Variants in RBM20 observed in about 807,000 individuals in gnomAD.
The protein encoded by RBM20 is RNA binding motif protein 20.
A neutral mutation model predicts 110.1 loss-of-function variants in RBM20; 51 were observed. The ratio of observed to expected loss-of-function variants is 0.46; its 90% CI spans 0.37 to 0.59. RBM20 has a LOEUF of 0.59. Ranked by LOEUF, RBM20 falls within the 20% of genes least tolerant of loss-of-function variation. The pLI is 0.00. For synonymous variants in RBM20, 589 were observed against 618.2 expected, an observed-to-expected ratio of 0.95 and a Z score of 0.70; for missense variants, 1,512 against 1,574.9, an observed-to-expected ratio of 0.96 and a Z score of 0.68.
rs904657575 is a variant in RBM20, at chr10:110,667,917, G to T, written c.191+23272G>T. On this transcript the variant is annotated intron_variant, in intron 1 of 13. Transcript: ENST00000369519. ...GGGTGTGAGTGAGTGGTGCAGGGAA[G>T]CTAAGCCAGAGGGAGCCCTGATTTA... 9.2e-5 allele frequency among the ~76,000 whole-genome samples: 14 copies of T among 152,168 alleles called. 1 individual carries two copies. Among genetic ancestry groups the T allele is most frequent in the Admixed American group, 8.5e-4 (13 of 15,274 alleles).
intron 1 of RBM20, among the ~76,000 whole-genome samples, chr10:110,661,541 G>C (rs951077555): frequency 6.6e-6 from 1 of 152,140 alleles, no homozygotes; most frequent in Non-Finnish European, 1.5e-5. Context: ...AATACTATTC[G>C]GACCATCTCT....
intron 9 of RBM20, among the ~76,000 whole-genome samples, chr10:110,818,399 G>T (rs1222328606): frequency 2.0e-5 from 3 of 152,184 alleles, no homozygotes; most frequent in Non-Finnish European, 4.4e-5. Flanking sequence ...TTGGGGGAAG[G>T]TACAGAGCAG....
At chr10:110,824,746 G>A (rs1177931362) in intron 12 of RBM20, among the ~76,000 whole-genome samples, 9 of 152,182 alleles carry the variant, frequency 5.9e-5, no homozygotes, top group Non-Finnish European at 1.5e-5. Context: ...CATCATCTTT[G>A]AGTCCCCTCG....
chr10:110,686,201 A>G lies in RBM20; in HGVS notation c.191+41556A>G, dbSNP rs192884491. 2.0e-4 allele frequency among the ~76,000 whole-genome samples: 30 copies of G among 152,282 alleles called. No individual in the cohort carries two copies. The East Asian group carries it at 5.4e-3, about 27-fold the overall frequency. On this transcript the variant is annotated intron_variant, in intron 1 of 13. Coordinates refer to ENST00000369519, the MANE Select transcript of RBM20 (RefSeq NM_001134363.3). The stretch of plus-strand genomic sequence containing the variant: ...GTCGTCATGACTCTTTAAATATCCT[A>G]TGAAACCTGTGATAGAAACTTGGGC...
rs1175016371 is a variant in RBM20, at chr10:110,673,753, C to G, written c.191+29108C>G. On this transcript the variant is annotated intron_variant, in intron 1 of 13. Transcript: ENST00000369519. ...CTCCCCACATTCTGAGGACAGTGGC[C>G]TATATTGAAACTGGAGGAATGAGGT... 4.6e-5 allele frequency among the ~76,000 whole-genome samples: 7 copies of G among 152,192 alleles called. No individual in the cohort carries two copies. In the East Asian group the frequency reaches 1.3e-3, roughly 29 times the overall value.
At position 110,812,619 on chromosome 10, in the gene RBM20, G is replaced by C; in HGVS notation, c.2222G>C (p.Gly741Ala). 6.4e-7 allele frequency: 1 copy of C among 1,551,630 alleles called. No individual in the cohort carries two copies. The highest frequency in any genetic ancestry group is 2.4e-5 in the East Asian group (1 of 40,904). Residue 741 changes from glycine to alanine, a missense_variant, in exon 9 of 14, where the codon GGG (glycine) becomes GCG (alanine). By Grantham distance (60) the Gly-to-Ala change is moderately conservative. Coordinates refer to ENST00000369519, the MANE Select transcript of RBM20 (RefSeq NM_001134363.3). ...CACCGGGAGAAGTACCCGAGATCTGGGTCTCCCAACCTGCCCCACTCTGTG... is the reference window on the plus strand; with the variant it reads ...CACCGGGAGAAGTACCCGAGATCTGCGTCTCCCAACCTGCCCCACTCTGTG... ...RPHREKYPRS[G>A]SPNLPHSVSS...
chr10:110,766,928 G>T (rs1317108358), intron 1 of RBM20, among the ~76,000 whole-genome samples: 1 of 148,304 alleles, frequency 6.7e-6, no homozygotes, highest in Non-Finnish European at 1.5e-5. Context: ...CTCACCTCCC[G>T]GACGGGGCGG....
intron 5 of RBM20, among the ~76,000 whole-genome samples, chr10:110,796,924 G>A (rs896374835): frequency 3.9e-5 from 6 of 152,116 alleles, no homozygotes; most frequent in African/African-American, 1.2e-4. Flanking sequence ...AAATGTTCTT[G>A]CACATGAGCC....
At chr10:110,766,428 A>C (rs1173031809) in intron 1 of RBM20, among the ~76,000 whole-genome samples, 1 of 151,988 alleles carries the variant, frequency 6.6e-6, no homozygotes, top group Admixed American at 6.5e-5. Flanking sequence ...GCAGATAAAC[A>C]AGTGAACAAA....
upstream of RBM20, among the ~76,000 whole-genome samples, chr10:110,643,940 G>C (rs540805209): frequency 1.3e-5 from 2 of 152,290 alleles, no homozygotes; most frequent in East Asian, 3.9e-4. Flanking sequence ...GGCTTGGCAG[G>C]AGCTGCGAGA....
intron 10 of RBM20, among the ~76,000 whole-genome samples, chr10:110,820,849 G>A (rs1264892895): frequency 3.3e-5 from 5 of 152,142 alleles, no homozygotes; most frequent in African/African-American, 1.2e-4. Flanking sequence ...TTTGGCTGTG[G>A]GAGTGTATGT....
intron 1 of RBM20, among the ~76,000 whole-genome samples, chr10:110,683,599 C>A (rs776972771): frequency 1.3e-5 from 2 of 152,088 alleles, no homozygotes; most frequent in African/African-American, 2.4e-5. Flanking sequence ...AGAGTTAAAG[C>A]GAATTGAGTT....
At chr10:110,716,597 G>A (rs1426274746) in intron 1 of RBM20, among the ~76,000 whole-genome samples, 1 of 152,116 alleles carries the variant, frequency 6.6e-6, no homozygotes, top group Non-Finnish European at 1.5e-5. Context: ...TATTCATGGG[G>A]AATAAATGAC....
At chr10:110,703,914 CCA>C (rs1862796414) in intron 1 of RBM20, among the ~76,000 whole-genome samples, 2 of 152,164 alleles carry the variant, frequency 1.3e-5, no homozygotes, top group Non-Finnish European at 2.9e-5. Flanking sequence ...GAGTTCGAGA[CCA>C]GCCTGGCCAA....
chr10:110,700,566 G>C (rs1862742718), intron 1 of RBM20, among the ~76,000 whole-genome samples: 1 of 152,094 alleles, frequency 6.6e-6, no homozygotes, highest in African/African-American at 2.4e-5. Context: ...GGGTCTTTAG[G>C]GACCCAAAGT....
intron 5 of RBM20, among the ~76,000 whole-genome samples, chr10:110,790,755 G>T (rs11195322): frequency 0.17 from 25,277 of 151,894 alleles, 2,630 homozygotes; most frequent in East Asian, 0.53. Flanking sequence ...CTATCTTATT[G>T]TGTAACTTCA....
At chr10:110,750,063 G>A (rs1243763208) in intron 1 of RBM20, among the ~76,000 whole-genome samples, 5 of 152,204 alleles carry the variant, frequency 3.3e-5, no homozygotes, top group Non-Finnish European at 7.3e-5. Context: ...ATACACATAG[G>A]TGTTGCCTCT....
chr10:110,791,449 C>G lies in RBM20; in HGVS notation c.1528-6059C>G, dbSNP rs573418994. ...CCTGTTGCCCTAAGCCATATTTTTACGGCAACTCTAAGTTATTTGAACTTG... is the reference window on the plus strand; with the variant it reads ...CCTGTTGCCCTAAGCCATATTTTTAGGGCAACTCTAAGTTATTTGAACTTG... On this transcript the variant is annotated intron_variant, in intron 5 of 13. Coordinates refer to ENST00000369519, the MANE Select transcript of RBM20 (RefSeq NM_001134363.3). Among the ~76,000 whole-genome samples, 24 of 152,314 alleles carry G rather than the reference C, an allele frequency of 1.6e-4. No individual in the cohort carries two copies. In the East Asian group the frequency reaches 4.2e-3, roughly 27 times the overall value.
rs370799883 is a variant in RBM20 at position 110,782,690 on chromosome 10, C to T, written c.1276-676C>T. 3.9e-3 allele frequency among the ~76,000 whole-genome samples: 590 copies of T among 152,294 alleles called. 5 individuals are homozygous for T. The highest frequency in any genetic ancestry group is 0.013 in the African/African-American group (559 of 41,568). On this transcript the variant is annotated intron_variant, in intron 2 of 13. Coordinates refer to ENST00000369519, the MANE Select transcript of RBM20 (RefSeq NM_001134363.3). ...GCTTGAAAGTGGCAGAGTGGAGATT[C>T]AAATGTGGCCCTGACCCTTTCAGAG... is the stretch of plus-strand genomic sequence containing the variant.
Sources: gnomAD v4.1 joint callset for allele counts (sites outside exome capture counted in the v4.1 genomes callset) on GRCh38, gnomAD v4.1.1 for gene constraint, MANE v1.5 for transcripts, NCBI Gene and HGNC (gene_info 2026-07-23, HGNC 2026-07-21) for gene names.